GAD1: variants seen among roughly 807,000 people sequenced by gnomAD.
GAD1 encodes 67 kDa glutamic acid decarboxylase.
GAD1 carries 35 observed loss-of-function variants against 75.2 expected under a neutral mutation model. The ratio of observed to expected loss-of-function variants is 0.47; its 90% CI spans 0.36 to 0.62. The LOEUF (loss-of-function observed/expected upper bound fraction) is 0.62, where lower values mean the gene tolerates loss of function less well. Ranked by LOEUF, GAD1 falls within the 20% of genes least tolerant of loss-of-function variation. The pLI is 0.00. For missense variants in GAD1, 490 were observed against 758.5 expected, an observed-to-expected ratio of 0.65 and a Z score of 4.16; for synonymous variants, 257 against 271.9, an observed-to-expected ratio of 0.95 and a Z score of 0.54.
chr2:170,825,664 C>T lies in GAD1; in HGVS notation c.145+3515C>T, dbSNP rs541180087. On this transcript the variant is annotated intron_variant, in intron 3 of 16. Transcript: ENST00000358196. ...CCCCATAAGCCTTTGAGTTTGGCAG[C>T]AGGGGTGAGGAACCTGCAGCAGGAG... 2.0e-5 allele frequency among the ~76,000 whole-genome samples: 3 copies of T among 152,324 alleles called. No individual in the cohort carries two copies. The South Asian group carries it at 6.2e-4, about 32-fold the overall frequency.
chr2:170,826,340 G>A (rs910927826), intron 3 of GAD1, among the ~76,000 whole-genome samples: 1 of 152,064 alleles, frequency 6.6e-6, no homozygotes, highest in Non-Finnish European at 1.5e-5. Flanking sequence ...GCCGAGACAG[G>A]TGGATCACCT....
intron 12 of GAD1, 69 bp from the exon 13 acceptor site, chr2:170,852,645 T>C (rs972021306): frequency 5.2e-6 from 7 of 1,347,684 alleles, no homozygotes; most frequent in Admixed American, 1.7e-5. Context: ...GAATGGGTGT[T>C]TTCCTCAAGA....
chr2:170,839,580 C>T (rs1339775517), intron 6 of GAD1, among the ~76,000 whole-genome samples: 1 of 150,948 alleles, frequency 6.6e-6, no homozygotes, highest in African/African-American at 2.4e-5. Flanking sequence ...TGCCACCGCA[C>T]TCCAGCCCGG....
chr2:170,839,470 CG>C (rs2105791072), intron 6 of GAD1, among the ~76,000 whole-genome samples: 1 of 151,976 alleles, frequency 6.6e-6, no homozygotes, highest in East Asian at 1.9e-4. Flanking sequence ...AAAAATGAGC[CG>C]GGTGTGGTGG....
At chr2:170,855,287 C>A (rs1452851884) in intron 14 of GAD1, among the ~76,000 whole-genome samples, 2 of 150,828 alleles carry the variant, frequency 1.3e-5, no homozygotes, top group Non-Finnish European at 2.9e-5. Flanking sequence ...CTGCTCCCTG[C>A]AACCTCCGTC....
chr2:170,857,056 G>A lies in GAD1; in HGVS notation c.1452G>A (p.Leu484=), dbSNP rs764128869. 4.3e-6 allele frequency: 7 copies of A among 1,613,974 alleles called. No homozygotes were observed. The highest frequency in any genetic ancestry group is 4.2e-6 in the Non-Finnish European group (5 of 1,179,958). Residue 484 remains leucine, a synonymous_variant, in exon 15 of 17, where the codon CTG becomes CTA. Coordinates refer to ENST00000358196, the MANE Select transcript of GAD1 (RefSeq NM_000817.3). ...TTGAAAACCAGATCAACAAATGCCTGGAACTGGCTGAATACCTCTATGCCA... is the reference window on the plus strand; with the variant it reads ...TTGAAAACCAGATCAACAAATGCCTAGAACTGGCTGAATACCTCTATGCCA... The part of the protein sequence containing the change: ...VGFENQINKC[L]ELAEYLYAKI...
At chr2:170,813,302 A>G (rs1302297814), upstream of GAD1, 1 of 152,170 alleles carries the variant, frequency 6.6e-6, no homozygotes, top group Non-Finnish European at 1.5e-5. Context: ...GTCCAGAATA[A>G]TTCAGGGAAC....
chr2:170,854,588 G>A (rs894241395), intron 14 of GAD1, among the ~76,000 whole-genome samples: 2 of 152,056 alleles, frequency 1.3e-5, no homozygotes, highest in Non-Finnish European at 2.9e-5. Context: ...AATATTTTTG[G>A]TAGAGACGGG....
In GAD1 at chr2:170,818,524, T is replaced by C. The variant is rs1292498367; in HGVS notation, c.-63-5T>C. 1.4e-6 allele frequency: 2 copies of C among 1,436,946 alleles called. No individual in the cohort carries two copies. The highest frequency in any genetic ancestry group is 2.0e-6 in the Non-Finnish European group (2 of 1,018,716). The allele number at this position is 1,436,946 out of a possible 1,614,324, so 89.0% of individuals were successfully genotyped here. A position where few individuals can be genotyped will look rare whatever the true frequency, so the allele number is the denominator to read the frequency against. ...TCCCCGCACAGCTCTCGCTTCTCTT[T>C]GCAGCCTGTTTCTGCGCCGGACCAG... On this transcript the variant is annotated splice_region_variant and splice_polypyrimidine_tract_variant and intron_variant, in intron 1 of 16. Transcript: ENST00000358196. The surrounding 1 kb of genome is among the most constrained non-coding windows in gnomAD (Gnocchi z 5.9).
rs1011534250 is a variant in GAD1 at position 170,829,240 on chromosome 2, C to T, written c.146-235C>T. ...CATTCAGAGAGGAGAACGGGCTTCA[C>T]TTACTGTTTTTCTCTCTTGCATGAC... On this transcript the variant is annotated intron_variant, in intron 3 of 16. Transcript: ENST00000358196. 6.0e-5 allele frequency: 34 copies of T among 566,760 alleles called. No homozygotes were observed. In the African/African-American group the frequency reaches 6.0e-4, roughly 10 times the overall value. 35.1% of individuals were successfully genotyped at this position (566,760 alleles called of 1,614,324 possible). A position where few individuals can be genotyped will look rare whatever the true frequency, so the allele number is the denominator to read the frequency against.
chr2:170,835,399 C>T (rs1232686227), intron 5 of GAD1, among the ~76,000 whole-genome samples: 5 of 152,146 alleles, frequency 3.3e-5, no homozygotes, highest in East Asian at 1.9e-4. Flanking sequence ...AGGCCATGAG[C>T]GGCCCAGCAC....
intron 2 of GAD1, among the ~76,000 whole-genome samples, chr2:170,819,669 G>C (rs1483165878): frequency 6.6e-6 from 1 of 151,332 alleles, no homozygotes; most frequent in Non-Finnish European, 1.5e-5. Context: ...ATCAGCTTCA[G>C]ACTGTAAGTG....
At chr2:170,856,734 G>A (rs1702861798) in intron 14 of GAD1, among the ~76,000 whole-genome samples, 1 of 152,094 alleles carries the variant, frequency 6.6e-6, no homozygotes, top group South Asian at 2.1e-4. Context: ...GTTCATAGAT[G>A]ACACTTTGAG....
In GAD1 at chr2:170,830,201, A is replaced by G. The variant is rs775920328; in HGVS notation, c.304+568A>G. Reference sequence around the variant, plus strand: ...CCCACAGGGCCACAGAAGGCAGACCAGAGTATTAAACAATATGTCACTAAA... The same window carrying G: ...CCCACAGGGCCACAGAAGGCAGACCGGAGTATTAAACAATATGTCACTAAA... On this transcript the variant is annotated intron_variant, in intron 4 of 16. Transcript: ENST00000358196. 2.0e-4 allele frequency among the ~76,000 whole-genome samples: 30 copies of G among 152,214 alleles called. 1 individual carries two copies. The highest frequency in any genetic ancestry group is 4.0e-4 in the Non-Finnish European group (27 of 68,036).
At chr2:170,855,146 A>G (rs1055461553) in intron 14 of GAD1, among the ~76,000 whole-genome samples, 2 of 152,104 alleles carry the variant, frequency 1.3e-5, no homozygotes, top group Non-Finnish European at 2.9e-5. Flanking sequence ...TTTCTAGTCA[A>G]ATATTTCTTC....
At position 170,844,706 on chromosome 2, in the gene GAD1, T is replaced by C. The variant is rs866537418; in HGVS notation, c.751+549T>C. ...TTGATTGATTTCAGCCAAAATAGTA[T>C]ATCTACTTTGAATCTCTAGTTTGAA... On this transcript the variant is annotated intron_variant, in intron 7 of 16. Coordinates refer to ENST00000358196, the MANE Select transcript of GAD1 (RefSeq NM_000817.3). Among the ~76,000 whole-genome samples, 2 of 152,246 alleles carry C rather than the reference T, an allele frequency of 1.3e-5. 1 individual carries two copies. Among genetic ancestry groups the C allele is most frequent in the South Asian group, 4.1e-4 (2 of 4,834 alleles).
intron 3 of GAD1, among the ~76,000 whole-genome samples, chr2:170,824,748 T>C (rs1701983814): frequency 6.6e-6 from 1 of 152,160 alleles, no homozygotes; most frequent in Non-Finnish European, 1.5e-5. Flanking sequence ...AAGAAACCCA[T>C]GGTCTTGCCA....
chr2:170,852,561 G>A (rs945012880), intron 12 of GAD1, 153 bp from the exon 13 acceptor site: 1 of 707,446 alleles, frequency 1.4e-6, no homozygotes, highest in Admixed American at 2.0e-5. Flanking sequence ...GAGACTGCCT[G>A]CAAAACATTT....
intron 3 of GAD1, among the ~76,000 whole-genome samples, chr2:170,823,185 C>T (rs994912034): frequency 1.3e-5 from 2 of 152,172 alleles, no homozygotes. Flanking sequence ...AAGAGCCATC[C>T]GTCAGCTCCT....
Sources: gnomAD v4.1 joint callset for allele counts (sites outside exome capture counted in the v4.1 genomes callset) on GRCh38, gnomAD v4.1.1 for gene constraint, Gnocchi (gnomAD v3.1) non-coding constraint, MANE v1.5 for transcripts, NCBI Gene and HGNC (gene_info 2026-07-23, HGNC 2026-07-21) for gene names.